Variants in PLCB1 observed in about 807,000 individuals in gnomAD.
PLCB1 encodes the protein 1-phosphatidylinositol 4,5-bisphosphate phosphodiesterase beta-1.
In PLCB1, 46 loss-of-function variants were observed where a neutral mutation model predicts 161.8. That is an observed-to-expected ratio of 0.28 (90% CI 0.22 to 0.36). The LOEUF (loss-of-function observed/expected upper bound fraction) is 0.36, where lower values mean the gene tolerates loss of function less well. Ranked by LOEUF, PLCB1 falls within the 10% of genes least tolerant of loss-of-function variation. The pLI, the probability that PLCB1 is intolerant of heterozygous loss-of-function variation, is 1.00. For synonymous variants in PLCB1, 517 were observed against 503.7 expected (o/e 1.03, Z -0.35); for missense variants, 1,016 against 1,472.5 (o/e 0.69, Z 5.07).
chr20:8,838,788 T>C (rs1324315004), intron 31 of PLCB1, among the ~76,000 whole-genome samples: 1 of 152,308 alleles, frequency 6.6e-6, no homozygotes, highest in East Asian at 1.9e-4. Flanking sequence ...GAGAGTAACA[T>C]GGAAAGTTTA....
intron 3 of PLCB1, among the ~76,000 whole-genome samples, chr20:8,488,082 A>G (rs1352793568): frequency 6.6e-6 from 1 of 152,216 alleles, no homozygotes; most frequent in Non-Finnish European, 1.5e-5. Flanking sequence ...ATAGCAAAAC[A>G]AAATAGTTAC....
chr20:8,716,397 G>A, intron 13 of PLCB1, 49 bp downstream of exon 13: 1 of 1,315,038 alleles, frequency 7.6e-7, no homozygotes, highest in Non-Finnish European at 1.1e-6. Context: ...CATTATTGAT[G>A]AATGAGGTTG....
At chr20:8,294,439 G>A (rs1983531194) in intron 2 of PLCB1, among the ~76,000 whole-genome samples, 2 of 151,902 alleles carry the variant, frequency 1.3e-5, no homozygotes, top group Non-Finnish European at 2.9e-5. Context: ...CATACCCTAT[G>A]ACTCAGTGTA....
At chr20:8,267,534 A>G (rs992585310) in intron 2 of PLCB1, among the ~76,000 whole-genome samples, 4 of 152,072 alleles carry the variant, frequency 2.6e-5, no homozygotes, top group Admixed American at 1.3e-4. Flanking sequence ...TGTTCCTGAG[A>G]GTCACTCTCA....
At chr20:8,712,175 G>A (rs1430412016) in intron 12 of PLCB1, among the ~76,000 whole-genome samples, 2 of 151,696 alleles carry the variant, frequency 1.3e-5, no homozygotes, top group Non-Finnish European at 2.9e-5. Context: ...GGTGCCTACA[G>A]TCCCAGTTAC....
intron 2 of PLCB1, among the ~76,000 whole-genome samples, chr20:8,251,691 C>A (rs771946764): frequency 6.6e-6 from 1 of 151,934 alleles, no homozygotes; most frequent in Admixed American, 6.6e-5. Flanking sequence ...GAGGCATCTG[C>A]TATGGTTAAG....
At chr20:8,558,039 G>A (rs563232689) in intron 3 of PLCB1, among the ~76,000 whole-genome samples, 26 of 151,868 alleles carry the variant, frequency 1.7e-4, no homozygotes, top group Admixed American at 2.0e-4. Context: ...GGGAGGTGGA[G>A]GGGGAAGTAG....
chr20:8,844,233 G>A (rs542251360), intron 31 of PLCB1, among the ~76,000 whole-genome samples: 7 of 152,320 alleles, frequency 4.6e-5, no homozygotes, highest in South Asian at 4.1e-4. Context: ...TTTGTTTGCC[G>A]TTGGCACAAT....
intron 5 of PLCB1, 32 bp from the exon 6 acceptor site, chr20:8,647,868 A>C: frequency 6.3e-7 from 1 of 1,591,146 alleles, no homozygotes; most frequent in Non-Finnish European, 8.6e-7. Context: ...TTTTAAAAAA[A>C]TCAAACCCTT....
At chr20:8,671,900 T>G (rs1339383238) in intron 9 of PLCB1, among the ~76,000 whole-genome samples, 2 of 152,200 alleles carry the variant, frequency 1.3e-5, no homozygotes, top group Non-Finnish European at 2.9e-5. Flanking sequence ...TGCTAACATC[T>G]CTAAGCCTCC....
At chr20:8,309,968 CTT>C (rs1984321489) in intron 2 of PLCB1, among the ~76,000 whole-genome samples, 2 of 151,892 alleles carry the variant, frequency 1.3e-5, no homozygotes, top group Admixed American at 6.6e-5. Context: ...GATTGGTTTT[CTT>C]AGGTCAGCAA....
intron 3 of PLCB1, among the ~76,000 whole-genome samples, chr20:8,439,772 T>G (rs1362689793): frequency 1.3e-5 from 2 of 152,164 alleles, no homozygotes; most frequent in East Asian, 3.9e-4. Flanking sequence ...GATTTTTTTT[T>G]CATTTATTTT....
intron 14 of PLCB1, among the ~76,000 whole-genome samples, chr20:8,719,666 A>T (rs952591965): frequency 2.7e-4 from 41 of 152,206 alleles, no homozygotes; most frequent in Admixed American, 2.6e-3. Flanking sequence ...AGCAACCAGC[A>T]GGGAGCCCAA....
At chr20:8,281,893 G>A (rs1373211028) in intron 2 of PLCB1, among the ~76,000 whole-genome samples, 1 of 151,652 alleles carries the variant, frequency 6.6e-6, no homozygotes, top group African/African-American at 2.4e-5. Context: ...CATTTTATTT[G>A]TGTGCACTTC....
chr20:8,438,948 T>C (rs1048631268), intron 3 of PLCB1, among the ~76,000 whole-genome samples: 1 of 152,180 alleles, frequency 6.6e-6, no homozygotes, highest in Non-Finnish European at 1.5e-5. Context: ...CTCTTTGCTC[T>C]TTGGTTGTTG....
intron 20 of PLCB1, among the ~76,000 whole-genome samples, chr20:8,737,822 A>G (rs1980661789): frequency 6.6e-6 from 1 of 152,232 alleles, no homozygotes; most frequent in South Asian, 2.1e-4. Flanking sequence ...TGCAAAGAGA[A>G]TAGCTATGCG....
intron 3 of PLCB1, among the ~76,000 whole-genome samples, chr20:8,481,221 C>T (rs1982487142): frequency 6.6e-6 from 1 of 150,516 alleles, no homozygotes; most frequent in Admixed American, 6.7e-5. Flanking sequence ...TATGTCATTA[C>T]CAGGCAGACA....
At chr20:8,262,101 CAG>C (rs1981728998) in intron 2 of PLCB1, among the ~76,000 whole-genome samples, 1 of 151,986 alleles carries the variant, frequency 6.6e-6, no homozygotes, top group South Asian at 2.1e-4. Flanking sequence ...CTTGCTCTGT[CAG>C]AGTCTTGCCA....
chr20:8,532,098 C>T (rs1310991875), intron 3 of PLCB1, among the ~76,000 whole-genome samples: 4 of 151,860 alleles, frequency 2.6e-5, no homozygotes, highest in Admixed American at 6.6e-5. Context: ...TATTTTGTTT[C>T]CTACCTTAAT....
Sources: allele counts gnomAD v4.1 joint callset (sites outside exome capture counted in the v4.1 genomes callset), GRCh38; gene constraint gnomAD v4.1.1; transcripts MANE v1.5; gene names NCBI Gene and HGNC (gene_info 2026-07-23, HGNC 2026-07-21).